Variants in CCDC149 observed in about 807,000 individuals in gnomAD.
The protein encoded by CCDC149 is coiled-coil domain-containing protein 149.
A neutral mutation model predicts 59.9 loss-of-function variants in CCDC149; 45 were observed. The observed-to-expected ratio is 0.75, with a 90% CI of 0.59 to 0.96. The LOEUF is 0.96. Ranked by LOEUF, CCDC149 falls within the 40% of genes least tolerant of loss-of-function variation. CCDC149 has a pLI of 0.00. For synonymous variants in CCDC149, 245 were observed against 260.6 expected, an observed-to-expected ratio of 0.94 and a Z score of 0.58; for missense variants, 584 against 664.7, an observed-to-expected ratio of 0.88 and a Z score of 1.33.
At chr4:24,931,829 G>GTATATATATATATATA (rs57205804) in intron 1 of CCDC149, among the ~76,000 whole-genome samples, 2,818 of 76,672 alleles carry the variant, frequency 0.037, 224 homozygotes, top group East Asian at 0.095. Context: ...TGGAGAGTAT[G>GTATATATATATATATA]TATATATATA....
intron 4 of CCDC149, among the ~76,000 whole-genome samples, chr4:24,847,480 AC>A (rs1489632641): frequency 6.6e-6 from 1 of 152,228 alleles, no homozygotes; most frequent in Non-Finnish European, 1.5e-5. Context: ...GAATATCAGT[AC>A]CATGGGAGCT....
chr4:24,968,767 A>G (rs541749941), intron 1 of CCDC149, among the ~76,000 whole-genome samples: 1 of 152,366 alleles, frequency 6.6e-6, no homozygotes, highest in Admixed American at 6.5e-5. Context: ...GGTGACACCT[A>G]TGGTAATCTG....
upstream of CCDC149, among the ~76,000 whole-genome samples, chr4:24,918,038 G>T (rs1198379530): frequency 6.6e-6 from 1 of 151,870 alleles, no homozygotes; most frequent in Non-Finnish European, 1.5e-5. Flanking sequence ...TGTCGTTCTG[G>T]AAGCCTTATG....
At chr4:24,821,267 A>G (rs1005678144) in intron 10 of CCDC149, among the ~76,000 whole-genome samples, 180 bp from the exon 11 acceptor site, 4 of 144,906 alleles carry the variant, frequency 2.8e-5, no homozygotes, top group Non-Finnish European at 4.5e-5. Flanking sequence ...CTCATTTGAG[A>G]AAAAAAAAAA....
rs912001485 is a variant in CCDC149 at position 24,841,639 on chromosome 4, G to A, written c.373-3367C>T. Among the ~76,000 whole-genome samples the A allele has an allele frequency of 3.3e-5, 5 of 152,322 alleles. No individual in the cohort carries two copies. In the Middle Eastern group the frequency reaches 0.01, roughly 311 times the overall value. ...GCAGAGGAGATGGCAGAGCCCCAGG[G>A]AGAAGGCTCCTGCCTTCCGAGCTGA... On this transcript the variant is annotated intron_variant, in intron 4 of 12. Coordinates refer to ENST00000635206, the MANE Select transcript of CCDC149 (RefSeq NM_001330643.2).
At chr4:24,874,249 T>G (rs1251966170) in intron 2 of CCDC149, among the ~76,000 whole-genome samples, 4 of 89,686 alleles carry the variant, frequency 4.5e-5, no homozygotes, top group African/African-American at 1.6e-4. Context: ...GATTTGTTTT[T>G]TTTTTTTTTT....
intron 1 of CCDC149, among the ~76,000 whole-genome samples, chr4:24,912,485 G>A (rs1038955120): frequency 6.6e-6 from 1 of 152,152 alleles, no homozygotes; most frequent in Non-Finnish European, 1.5e-5. Flanking sequence ...CTCCACAACA[G>A]TGGCGAGCGG....
chr4:24,852,287 T>TACACACACACACACACACAC (rs768071017), intron 4 of CCDC149, among the ~76,000 whole-genome samples: 2 of 121,356 alleles, frequency 1.6e-5, no homozygotes, highest in African/African-American at 6.6e-5. Context: ...CAACACACCA[T>TACACACACACACACACACAC]ACACACACAC....
chr4:24,930,502 A>T (rs1212053835), intron 1 of CCDC149, among the ~76,000 whole-genome samples: 1 of 152,246 alleles, frequency 6.6e-6, no homozygotes, highest in African/African-American at 2.4e-5. Context: ...CTGAAAAAGT[A>T]CAAAAACTAC....
intron 1 of CCDC149, among the ~76,000 whole-genome samples, chr4:24,935,867 A>G (rs937033187): frequency 6.6e-6 from 1 of 152,168 alleles, no homozygotes; most frequent in East Asian, 1.9e-4. Flanking sequence ...GGTATTTAAA[A>G]CCATGAAACT....
chr4:24,823,787 T>C (rs899075393), intron 9 of CCDC149, among the ~76,000 whole-genome samples: 7 of 152,234 alleles, frequency 4.6e-5, no homozygotes, highest in African/African-American at 1.7e-4. Flanking sequence ...TCTATGTGGT[T>C]TTCTTCCATC....
At chr4:24,880,408 T>A (rs923566422) in intron 1 of CCDC149, among the ~76,000 whole-genome samples, 3 of 152,166 alleles carry the variant, frequency 2.0e-5, no homozygotes, top group Non-Finnish European at 2.9e-5. Context: ...AGCAACCCCG[T>A]CATTAAGTGA....
At chr4:24,816,273 T>G (rs987319709) in intron 12 of CCDC149, among the ~76,000 whole-genome samples, 1 of 151,958 alleles carries the variant, frequency 6.6e-6, no homozygotes, top group Non-Finnish European at 1.5e-5. Context: ...TTTTCTTTTT[T>G]AGAAATGGGG....
At chr4:24,962,827 T>C (rs1723677805) in intron 1 of CCDC149, among the ~76,000 whole-genome samples, 1 of 152,000 alleles carries the variant, frequency 6.6e-6, no homozygotes, top group South Asian at 2.1e-4. Context: ...GGCACATGTA[T>C]ACATATGCAA....
intron 10 of CCDC149, among the ~76,000 whole-genome samples, 197 bp from the exon 11 acceptor site, chr4:24,821,284 C>T (rs1715374298): frequency 6.6e-6 from 1 of 151,854 alleles, no homozygotes; most frequent in South Asian, 2.1e-4. Flanking sequence ...AAAATAAAAA[C>T]CCCCGTTCAT....
chr4:24,834,390 C>T (rs1252772169), intron 8 of CCDC149, among the ~76,000 whole-genome samples: 3 of 151,962 alleles, frequency 2.0e-5, no homozygotes, highest in African/African-American at 4.8e-5. Flanking sequence ...TCATTGGAAT[C>T]GACAAGAAGG....
In CCDC149 at chr4:24,822,588, G is replaced by C; in HGVS notation, c.966-15C>G. The stretch of plus-strand genomic sequence containing the variant: ...TCCCTAGGATTCTGAAAAAAGGGGA[G>C]AAAATGACAATCAATTACTGAGCAT... On this transcript the variant is annotated splice_polypyrimidine_tract_variant and intron_variant, in intron 9 of 12. Coordinates refer to ENST00000635206, the MANE Select transcript of CCDC149 (RefSeq NM_001330643.2). 1.3e-6 allele frequency: 2 copies of C among 1,520,870 alleles called. No homozygotes were observed. Among genetic ancestry groups the C allele is most frequent in the Non-Finnish European group, 1.8e-6 (2 of 1,131,876 alleles). The allele number at this position is 1,520,870 out of a possible 1,614,324, so 94.2% of individuals were successfully genotyped here. A position where few individuals can be genotyped will look rare whatever the true frequency, so the allele number is the denominator to read the frequency against.
chr4:24,965,191 T>C (rs1723755825), intron 1 of CCDC149, among the ~76,000 whole-genome samples: 1 of 151,214 alleles, frequency 6.6e-6, no homozygotes, highest in Non-Finnish European at 1.5e-5. Context: ...TTACTTCTTA[T>C]GAATTTCTTA....
chr4:24,952,276 C>T (rs1038736954), intron 1 of CCDC149, among the ~76,000 whole-genome samples: 5 of 151,858 alleles, frequency 3.3e-5, no homozygotes, highest in Admixed American at 6.6e-5. Context: ...CTGAAGTAGG[C>T]GAAATTTAAG....
Sources: gnomAD v4.1 joint callset for allele counts (sites outside exome capture counted in the v4.1 genomes callset) on GRCh38, gnomAD v4.1.1 for gene constraint, MANE v1.5 for transcripts, NCBI Gene and HGNC (gene_info 2026-07-23, HGNC 2026-07-21) for gene names.